Variants in PRKCA observed in about 807,000 individuals in gnomAD.
The protein encoded by PRKCA is protein kinase C alpha, also known as protein kinase C alpha type.
A neutral mutation model predicts 87.0 loss-of-function variants in PRKCA; 27 were observed. That is an observed-to-expected ratio of 0.31 (90% CI 0.23 to 0.43). The LOEUF (loss-of-function observed/expected upper bound fraction) is 0.43. Among genes scored for constraint, PRKCA ranks in the 20% least tolerant of loss-of-function variants. PRKCA has a pLI of 1.00. For synonymous variants in PRKCA, 329 were observed against 311.1 expected (o/e 1.06, Z -0.61); for missense variants, 518 against 852.3 (o/e 0.61, Z 4.88).
intron 8 of PRKCA, among the ~76,000 whole-genome samples, chr17:66,690,857 G>C (rs946085926): frequency 2.4e-4 from 35 of 144,180 alleles, no homozygotes; most frequent in Non-Finnish European, 4.1e-4. Context: ...AAAAAATTTA[G>C]AGCTGTCCGG....
rs1252156790 is a variant in PRKCA, at chr17:66,803,776, C to T, written c.1855-97C>T. On this transcript the variant is annotated intron_variant, in intron 16 of 16. Coordinates refer to ENST00000413366, the MANE Select transcript of PRKCA (RefSeq NM_002737.3). The surrounding 1 kb of genome is among the most constrained non-coding windows in gnomAD (Gnocchi z 4.4). The stretch of plus-strand genomic sequence containing the variant: ...CCTCCTCCTAACCAGCCCGGAGTTC[C>T]CCAGGGCCGTGCCCCTCCCCAGAGA... The T allele has an allele frequency of 1.3e-6, 2 of 1,529,092 alleles. No individual in the cohort carries two copies. The highest frequency in any genetic ancestry group is 1.9e-5 in the Admixed American group (1 of 53,766). 94.7% of individuals were successfully genotyped at this position (1,529,092 alleles called of 1,614,324 possible).
intron 5 of PRKCA, 115 bp downstream of exon 5, chr17:66,645,626 G>T: frequency 2.8e-6 from 4 of 1,436,862 alleles, no homozygotes; most frequent in Non-Finnish European, 3.8e-6. Flanking sequence ...TGGAGAGGCA[G>T]TCGCCCTGGT....
intron 3 of PRKCA, among the ~76,000 whole-genome samples, chr17:66,561,611 C>T (rs146385109): frequency 1.1e-3 from 175 of 152,180 alleles, no homozygotes; most frequent in African/African-American, 4.1e-3. Flanking sequence ...TGCCCATGTT[C>T]GTAGCAGCAG....
chr17:66,582,389 C>T (rs1381190697), intron 3 of PRKCA, among the ~76,000 whole-genome samples: 1 of 152,046 alleles, frequency 6.6e-6, no homozygotes, highest in Non-Finnish European at 1.5e-5. Context: ...TGTAATAATC[C>T]CCATGTGTCA....
Position 66,451,841 on chromosome 17 carries a change from A to T in PRKCA, c.206-44360A>T, listed in dbSNP as rs549598864. ...ATGATGAACCTTGGATTTCCTGTAC[A>T]ATTTGGCTAACTCTAGGGTGATCTC... On this transcript the variant is annotated intron_variant, in intron 2 of 16. Transcript: ENST00000413366. Among the ~76,000 whole-genome samples the T allele has an allele frequency of 2.6e-5, 4 of 152,298 alleles. No homozygotes were observed. The East Asian group carries it at 7.7e-4, about 29-fold the overall frequency.
In PRKCA at chr17:66,808,639, G is replaced by A. The variant is rs566903508; in HGVS notation, c.*4602G>A. On this transcript the variant is annotated 3_prime_UTR_variant, in exon 17 of 17. Transcript: ENST00000413366. ...ACAGCAGTAGGCATGACAGTCACCA[G>A]GAAGGACAAGGGTGCTCTGTTGTTA... 1 of 152,332 alleles carries A rather than the reference G, an allele frequency of 6.6e-6. No individual in the cohort carries two copies. Among genetic ancestry groups the A allele is most frequent in the East Asian group, 1.9e-4 (1 of 5,186 alleles). 9.4% of individuals were successfully genotyped at this position (152,332 alleles called of 1,614,324 possible). A position where few individuals can be genotyped will look rare whatever the true frequency, so the allele number is the denominator to read the frequency against.
chr17:66,342,475 AATAATAAT>A (rs1907106609), intron 2 of PRKCA, among the ~76,000 whole-genome samples: 2 of 143,242 alleles, frequency 1.4e-5, no homozygotes, highest in African/African-American at 2.6e-5. Context: ...TAATAATAAT[AATAATAAT>A]AAATTCAGAG....
At chr17:66,501,222 G>A (rs1378538843) in intron 3 of PRKCA, among the ~76,000 whole-genome samples, 2 of 152,198 alleles carry the variant, frequency 1.3e-5, no homozygotes, top group Admixed American at 6.5e-5. Context: ...GAACAGAGAT[G>A]CTCTTCAAGA....
Position 66,346,529 on chromosome 17 carries a change from G to A in PRKCA, c.205+40402G>A, listed in dbSNP as rs553055681. ...CAAGTGGTTGGTTTTACAGGTTTGC[G>A]CCACTGTGCCTGGCTGTTGGGTGGA... On this transcript the variant is annotated intron_variant, in intron 2 of 16. Coordinates refer to ENST00000413366, the MANE Select transcript of PRKCA (RefSeq NM_002737.3). Among the ~76,000 whole-genome samples the A allele has an allele frequency of 3.9e-5, 6 of 152,076 alleles. No individual in the cohort carries two copies. In the South Asian group the frequency reaches 6.2e-4, roughly 16 times the overall value.
intron 8 of PRKCA, among the ~76,000 whole-genome samples, chr17:66,701,323 G>A (rs931677594): frequency 1.3e-5 from 2 of 152,060 alleles, no homozygotes; most frequent in African/African-American, 2.4e-5. Flanking sequence ...ACTTAAATAT[G>A]TAAAACCTGA....
rs141995992 is a variant in PRKCA, at chr17:66,544,352, T to C, written c.288+48069T>C. Among the ~76,000 whole-genome samples, 226 of 152,274 alleles carry C rather than the reference T, an allele frequency of 1.5e-3. 4 individuals carry two copies. The highest frequency in any genetic ancestry group is 0.013 in the Admixed American group (205 of 15,298). On this transcript the variant is annotated intron_variant, in intron 3 of 16. Transcript: ENST00000413366. ...GTATTCTAGGTCACCACTGTGATCATTGAGAAAATGTTGAAGTATATTGAC... is the reference window on the plus strand; with the variant it reads ...GTATTCTAGGTCACCACTGTGATCACTGAGAAAATGTTGAAGTATATTGAC...
intron 3 of PRKCA, among the ~76,000 whole-genome samples, chr17:66,596,020 G>C (rs1969964511): frequency 6.6e-6 from 1 of 152,202 alleles, no homozygotes; most frequent in African/African-American, 2.4e-5. Flanking sequence ...GATGGGTGGT[G>C]GGTCGCCTCA....
rs1351216623 is a variant in PRKCA at position 66,689,109 on chromosome 17, C to A, written c.918+62C>A. On this transcript the variant is annotated intron_variant, in intron 8 of 16. Transcript: ENST00000413366. The surrounding 1 kb of genome is among the most constrained non-coding windows in gnomAD (Gnocchi z 4.1). The stretch of plus-strand genomic sequence containing the variant: ...TAGAAAGCCCAACTTCAGGAACGGC[C>A]GAGATGTTGTGGTCACATTTTTGAA... The A allele has an allele frequency of 9.4e-7, 1 of 1,066,960 alleles. No homozygotes were observed. Among genetic ancestry groups the A allele is most frequent in the Non-Finnish European group, 1.4e-6 (1 of 731,744 alleles). 66.1% of individuals were successfully genotyped at this position (1,066,960 alleles called of 1,614,324 possible).
At chr17:66,678,620 CT>C (rs2143988567) in intron 5 of PRKCA, among the ~76,000 whole-genome samples, 1 of 151,360 alleles carries the variant, frequency 6.6e-6, no homozygotes, top group African/African-American at 2.4e-5. Flanking sequence ...ACACCACTTA[CT>C]TTTTTGTTTC....
intron 3 of PRKCA, among the ~76,000 whole-genome samples, chr17:66,626,430 T>C (rs2143721057): frequency 6.6e-6 from 1 of 151,424 alleles, no homozygotes; most frequent in South Asian, 2.1e-4. Flanking sequence ...GGCGCAGTCT[T>C]GACTCACTGC....
intron 2 of PRKCA, among the ~76,000 whole-genome samples, chr17:66,485,694 G>C (rs1193642472): frequency 6.6e-6 from 1 of 152,082 alleles, no homozygotes; most frequent in Non-Finnish European, 1.5e-5. Context: ...CATGCTTATA[G>C]ATGTGAGTGA....
rs567070261 is a variant in PRKCA at position 66,809,158 on chromosome 17, T to C, written c.*5121T>C. 10 of 152,270 alleles carry C rather than the reference T, an allele frequency of 6.6e-5. No homozygotes were observed. Among genetic ancestry groups the C allele is most frequent in the Admixed American group, 2.6e-4 (4 of 15,286 alleles). 9.4% of individuals were successfully genotyped at this position (152,270 alleles called of 1,614,324 possible). A position where few individuals can be genotyped will look rare whatever the true frequency, so the allele number is the denominator to read the frequency against. On this transcript the variant is annotated 3_prime_UTR_variant, in exon 17 of 17. Coordinates refer to ENST00000413366, the MANE Select transcript of PRKCA (RefSeq NM_002737.3). ...TTCTGCTGCTAGAAGATCCAGGAAA[T>C]TGGGAAGGTTACCTGACGCACACAT... is the stretch of plus-strand genomic sequence containing the variant.
At chr17:66,767,290 T>A (rs534751853) in intron 13 of PRKCA, among the ~76,000 whole-genome samples, 2 of 152,278 alleles carry the variant, frequency 1.3e-5, no homozygotes, top group South Asian at 4.1e-4. Flanking sequence ...AAGGAAATGA[T>A]GTTATTTGAG....
intron 8 of PRKCA, among the ~76,000 whole-genome samples, chr17:66,727,660 C>T (rs1030405299): frequency 1.3e-5 from 2 of 152,120 alleles, no homozygotes; most frequent in African/African-American, 2.4e-5. Context: ...CTCCTGCTAC[C>T]ACCTTGTATT....
Sources: gnomAD v4.1 joint callset for allele counts (sites outside exome capture counted in the v4.1 genomes callset) on GRCh38, gnomAD v4.1.1 for gene constraint, Gnocchi (gnomAD v3.1) non-coding constraint, MANE v1.5 for transcripts, NCBI Gene and HGNC (gene_info 2026-07-23, HGNC 2026-07-21) for gene names.